CEP112: variants seen among roughly 807,000 people sequenced by gnomAD.
CEP112 encodes centrosomal protein of 112 kDa.
Under a neutral mutation model 153.0 loss-of-function variants are expected in CEP112, and 127 were observed. The observed-to-expected ratio is 0.83, with a 90% CI of 0.72 to 0.96. CEP112 has a LOEUF of 0.96. Ranked by LOEUF, CEP112 falls within the 40% of genes least tolerant of loss-of-function variation. The probability of loss-of-function intolerance (pLI) is 0.00; values close to 1 mark genes in which losing one functional copy is unlikely to be tolerated. For missense variants in CEP112, 1,089 were observed against 1,101.2 expected (o/e 0.99, Z 0.16); for synonymous variants, 358 against 374.4 (o/e 0.96, Z 0.51).
chr17:65,905,956 A>G (rs2060061985), intron 19 of CEP112, among the ~76,000 whole-genome samples: 1 of 151,950 alleles, frequency 6.6e-6, no homozygotes, highest in African/African-American at 2.4e-5. Context: ...AAAAAAAAAA[A>G]GAAGACACAT....
At chr17:65,955,285 GAC>G (rs1432743334) in intron 18 of CEP112, among the ~76,000 whole-genome samples, 1 of 151,330 alleles carries the variant, frequency 6.6e-6, no homozygotes, top group Non-Finnish European at 1.5e-5. Flanking sequence ...ATGAAGAAAA[GAC>G]ATAGTCTTTT....
chr17:65,982,810 A>C (rs2063275431), intron 17 of CEP112, among the ~76,000 whole-genome samples: 1 of 152,242 alleles, frequency 6.6e-6, no homozygotes, highest in African/African-American at 2.4e-5. Flanking sequence ...GCAACAACCC[A>C]AATGGCCATC....
intron 21 of CEP112, among the ~76,000 whole-genome samples, chr17:65,833,320 A>G (rs1598729468): frequency 6.6e-6 from 1 of 151,822 alleles, no homozygotes; most frequent in Non-Finnish European, 1.5e-5. Context: ...CCCTCTCACC[A>G]CTCCTATTCA....
intron 18 of CEP112, among the ~76,000 whole-genome samples, chr17:65,960,430 G>A (rs2062158944): frequency 6.6e-6 from 1 of 152,116 alleles, no homozygotes; most frequent in Non-Finnish European, 1.5e-5. Context: ...TGGGCATTAT[G>A]TATGCATATA....
At chr17:65,892,070 G>A (rs2059486983) in intron 20 of CEP112, among the ~76,000 whole-genome samples, 1 of 152,162 alleles carries the variant, frequency 6.6e-6, no homozygotes, top group Admixed American at 6.5e-5. Flanking sequence ...TTAGAGCAGA[G>A]TACTGGTCTA....
chr17:65,873,982 G>A (rs2058744550), intron 20 of CEP112, among the ~76,000 whole-genome samples: 1 of 152,082 alleles, frequency 6.6e-6, no homozygotes, highest in Non-Finnish European at 1.5e-5. Context: ...AAAATGCTCT[G>A]CTTAATACAA....
At chr17:66,105,112 T>C (rs945299845) in intron 6 of CEP112, among the ~76,000 whole-genome samples, 8 of 152,102 alleles carry the variant, frequency 5.3e-5, no homozygotes, top group African/African-American at 1.9e-4. Flanking sequence ...TGTAATAAGA[T>C]AGAAACAACA....
At chr17:65,989,234 C>CAAAA (rs749855250) in intron 17 of CEP112, among the ~76,000 whole-genome samples, 1 of 40,726 alleles carries the variant, frequency 2.5e-5, no homozygotes, top group Admixed American at 2.5e-4. Context: ...GACTCCATCT[C>CAAAA]AAAAAAAAAA....
At chr17:65,858,950 T>C (rs183069200) in intron 20 of CEP112, among the ~76,000 whole-genome samples, 1 of 152,234 alleles carries the variant, frequency 6.6e-6, no homozygotes, top group African/African-American at 2.4e-5. Flanking sequence ...CCACCCAAAA[T>C]AGTACCAATG....
At chr17:65,671,134 C>T (rs547623681) in intron 24 of CEP112, among the ~76,000 whole-genome samples, 18 of 151,934 alleles carry the variant, frequency 1.2e-4, no homozygotes, top group Admixed American at 7.2e-4. Flanking sequence ...ACAAATAGTA[C>T]GCAGCTGGTG....
intron 21 of CEP112, among the ~76,000 whole-genome samples, chr17:65,784,383 A>G (rs1420062142): frequency 6.6e-6 from 1 of 152,218 alleles, no homozygotes; most frequent in African/African-American, 2.4e-5. Context: ...TTTCTTATTC[A>G]TCTTTCCACT....
chr17:66,172,710 G>C (rs2072296776), intron 4 of CEP112, among the ~76,000 whole-genome samples: 1 of 152,070 alleles, frequency 6.6e-6, no homozygotes, highest in Non-Finnish European at 1.5e-5. Context: ...TTCCTACCCT[G>C]AACCCTTCTC....
At chr17:66,002,482 A>C (rs1173376156) in intron 17 of CEP112, among the ~76,000 whole-genome samples, 3 of 152,134 alleles carry the variant, frequency 2.0e-5, no homozygotes, top group African/African-American at 7.2e-5. Context: ...GTGAAGAAAG[A>C]CAGCTTGGAA....
intron 1 of CEP112, among the ~76,000 whole-genome samples, chr17:66,187,227 T>C (rs1449595768): frequency 6.1e-5 from 9 of 147,786 alleles, no homozygotes; most frequent in Admixed American, 5.3e-4. Context: ...TCCTCACCTG[T>C]TCCAGAATGA....
chr17:65,797,257 C>T (rs575378591), intron 21 of CEP112: 3 of 152,382 alleles, frequency 2.0e-5, no homozygotes, highest in Non-Finnish European at 2.9e-5. Context: ...ACACTCACCA[C>T]CCAAGCCCGG....
intron 17 of CEP112, among the ~76,000 whole-genome samples, chr17:65,969,646 A>G (rs1212609616): frequency 6.6e-6 from 1 of 152,222 alleles, no homozygotes; most frequent in Non-Finnish European, 1.5e-5. Context: ...TTGCAAGCAT[A>G]TATGACATGT....
intron 5 of CEP112, among the ~76,000 whole-genome samples, chr17:66,130,532 T>C (rs1040502384): frequency 1.8e-4 from 28 of 152,106 alleles, no homozygotes; most frequent in African/African-American, 6.8e-4. Context: ...TCCCAGCACT[T>C]TGGGAGGCCG....
chr17:65,962,998 A>G (rs1038214932), intron 17 of CEP112, among the ~76,000 whole-genome samples: 2 of 152,210 alleles, frequency 1.3e-5, no homozygotes, highest in Non-Finnish European at 2.9e-5. Flanking sequence ...AACCAGTATA[A>G]GAGTGTTATT....
intron 8 of CEP112, among the ~76,000 whole-genome samples, chr17:66,078,263 CTT>C (rs573290197): frequency 2.4e-5 from 2 of 83,852 alleles, no homozygotes; most frequent in Non-Finnish European, 2.8e-5. Context: ...TTTTCTTTTT[CTT>C]TTTTTTTTTT....
Sources: allele counts gnomAD v4.1 joint callset (sites outside exome capture counted in the v4.1 genomes callset), GRCh38; gene constraint gnomAD v4.1.1; transcripts MANE v1.5; gene names NCBI Gene and HGNC (gene_info 2026-07-23, HGNC 2026-07-21).